REX1BD: variants seen among roughly 807,000 people sequenced by gnomAD.
The protein encoded by REX1BD is required for excision 1-B domain containing.
Under a neutral mutation model 24.4 loss-of-function variants are expected in REX1BD, and 22 were observed. The ratio of observed to expected loss-of-function variants is 0.90; its 90% CI spans 0.64 to 1.29. The LOEUF (loss-of-function observed/expected upper bound fraction) is 1.29, where lower values mean the gene tolerates loss of function less well. REX1BD is among the 50% of genes most tolerant of loss of function. The pLI, the probability that REX1BD is intolerant of heterozygous loss-of-function variation, is 0.00. For missense variants in REX1BD, 293 were observed against 285.3 expected (o/e 1.03, Z -0.19); for synonymous variants, 146 against 125.9 (o/e 1.16, Z -1.07).
chr19:18,592,072 C>A, intron 4 of REX1BD, 36 bp from the exon 5 acceptor site: 1 of 1,613,080 alleles, frequency 6.2e-7, no homozygotes, highest in African/African-American at 1.3e-5. Context: ...TTCACCCCAT[C>A]TGGGTTTTAT....
At chr19:18,590,616 T>G in intron 3 of REX1BD, 1 of 464,732 alleles carries the variant, frequency 2.2e-6, no homozygotes, top group African/African-American at 2.1e-5. Context: ...GACGTCACTG[T>G]TGTTCCCAGG....
rs1239807805 is a variant in REX1BD, at chr19:18,589,461, G to A, written c.231G>A (p.Arg77=). ...TGAGAGCCTGGGGGCGCGGCCTCAG[G>A]GTCCCCACATGCCGCAGAGGCCACC... ...QGLRAWGRGL[R]VPTCRRGHRQ... The change falls in exon 3 of 5, where the codon AGG becomes AGA. Residue 77 remains arginine (R), a synonymous_variant. Coordinates refer to ENST00000358607, the MANE Select transcript of REX1BD (RefSeq NM_001100418.2). The A allele has an allele frequency of 6.4e-7, 1 of 1,557,546 alleles. No individual in the cohort carries two copies. The highest frequency in any genetic ancestry group is 1.4e-5 in the African/African-American group (1 of 73,452).
chr19:18,589,051 C>G lies in REX1BD; in HGVS notation c.156C>G (p.Arg52=). 1 of 1,521,830 alleles carries G rather than the reference C, an allele frequency of 6.6e-7. No homozygotes were observed. The highest frequency in any genetic ancestry group is 8.8e-7 in the Non-Finnish European group (1 of 1,141,354). 94.3% of individuals were successfully genotyped at this position (1,521,830 alleles called of 1,614,324 possible). The change falls in exon 2 of 5, where the codon CGC becomes CGG. Residue 52 remains arginine (R), a synonymous_variant. Transcript: ENST00000358607. ...GCATCCACCAGCTGCAGGCTGAGCG[C>G]GCGCAGGGCTTCCGCCGACTGGAGG... ...VQRIHQLQAE[R]AQGFRRLEEW... is the part of the protein sequence containing the mutation.
At chr19:18,589,142 TC>T in intron 2 of REX1BD, 65 bp downstream of exon 2, 1 of 1,461,644 alleles carries the variant, frequency 6.8e-7, no homozygotes, top group Non-Finnish European at 9.0e-7. Context: ...GGGCGTGTTC[TC>T]GGCGGGCGTG....
At chr19:18,589,872 T>G in intron 3 of REX1BD, 189 bp downstream of exon 3, 2 of 858,310 alleles carry the variant, frequency 2.3e-6, no homozygotes, top group Non-Finnish European at 3.3e-6. Context: ...TCATCCCCAA[T>G]TTTTTTCCCA....
chr19:18,591,932 G>T, intron 4 of REX1BD, 176 bp from the exon 5 acceptor site: 1 of 671,106 alleles, frequency 1.5e-6, no homozygotes, highest in East Asian at 2.7e-5. Context: ...GACCTATGGG[G>T]CCACCCCTTC....
At chr19:18,589,767 C>T (rs1976000125) in intron 3 of REX1BD, 84 bp downstream of exon 3, 22 of 1,424,294 alleles carry the variant, frequency 1.5e-5, no homozygotes, top group Non-Finnish European at 2.0e-5. Context: ...GGGGGTGGTC[C>T]CAGTATCCCA....
At chr19:18,590,651 T>A in intron 3 of REX1BD, 1 of 551,530 alleles carries the variant, frequency 1.8e-6, no homozygotes, top group Non-Finnish European at 3.2e-6. Context: ...CGCTCAGCAC[T>A]GCCTCTGGCC....
Position 18,589,604 on chromosome 19 carries a change from T to A in REX1BD, c.374T>A (p.Leu125Gln), listed in dbSNP as rs935074263. 2 of 1,537,070 alleles carry A rather than the reference T, an allele frequency of 1.3e-6. No individual in the cohort carries two copies. Among genetic ancestry groups the A allele is most frequent in the Non-Finnish European group, 1.7e-6 (2 of 1,148,428 alleles). The change falls in exon 3 of 5, where the codon CTG becomes CAG. Residue 125 changes from leucine to glutamine, a missense_variant. Physicochemically the swap from Leu to Gln is moderately radical, Grantham distance 113. Transcript: ENST00000358607. ...GAGGTGCTGGCGGTGGAAGCAGAGC[T>A]GGGCGGGCCTCGCAGGCAGCCGCTG... ...SREVLAVEAE[L>Q]GGPRRQPLLA...
intron 3 of REX1BD, 119 bp downstream of exon 3, chr19:18,589,802 C>A: frequency 7.5e-7 from 1 of 1,327,244 alleles, no homozygotes; most frequent in Non-Finnish European, 9.8e-7. Context: ...CCCTTCCTGT[C>A]CCACCCCAAT....
chr19:18,589,358 C>T (rs751006425), intron 2 of REX1BD, 55 bp from the exon 3 acceptor site: 3 of 1,550,086 alleles, frequency 1.9e-6, no homozygotes, highest in South Asian at 2.4e-5. Context: ...AGCGTCCTTC[C>T]TACCTACCAG....
chr19:18,592,047 C>G (rs1188390232), intron 4 of REX1BD, 61 bp from the exon 5 acceptor site: 6 of 1,597,226 alleles, frequency 3.8e-6, no homozygotes, highest in South Asian at 1.1e-5. Flanking sequence ...CTTGCAGCTT[C>G]GCGGCAGCAG....
chr19:18,589,756 G>T (rs910732156), intron 3 of REX1BD, 73 bp downstream of exon 3: 45 of 1,426,868 alleles, frequency 3.2e-5, no homozygotes, highest in Non-Finnish European at 3.9e-5. Flanking sequence ...ACCCCTGGTT[G>T]GGGGGTGGTC....
rs1204723963 is a variant in REX1BD at position 18,592,296 on chromosome 19, C to T, written c.*116C>T. 5 of 1,055,212 alleles carry T rather than the reference C, an allele frequency of 4.7e-6. No individual in the cohort carries two copies. Among genetic ancestry groups the T allele is most frequent in the Non-Finnish European group, 7.2e-6 (5 of 697,776 alleles). The allele number at this position is 1,055,212 out of a possible 1,614,324, so 65.4% of individuals were successfully genotyped here. A position where few individuals can be genotyped will look rare whatever the true frequency, so the allele number is the denominator to read the frequency against. On this transcript the variant is annotated 3_prime_UTR_variant, in exon 5 of 5. Transcript: ENST00000358607. ...CCCCACTGCGCTGCTGACCTTCCTG[C>T]AGTTCCAGACACCTCCCACAATAAA...
intron 3 of REX1BD, chr19:18,590,034 G>C (rs917613438): frequency 2.5e-5 from 7 of 281,572 alleles, no homozygotes; most frequent in Non-Finnish European, 4.6e-5. Flanking sequence ...AGATACAGGC[G>C]AGGGGGGTCC....
chr19:18,589,406 C>T lies in REX1BD; in HGVS notation c.183-7C>T, dbSNP rs1483581965. ...GTGTCTGGGGACACTTCCTGGGGGC[C>T]TTTCAGGTGGTTGGCGCCGGTGCAG... On this transcript the variant is annotated splice_polypyrimidine_tract_variant and splice_region_variant and intron_variant, in intron 2 of 4. Coordinates refer to ENST00000358607, the MANE Select transcript of REX1BD (RefSeq NM_001100418.2). 1.2e-5 allele frequency: 19 copies of T among 1,558,218 alleles called. No homozygotes were observed. Among genetic ancestry groups the T allele is most frequent in the Non-Finnish European group, 1.6e-5 (18 of 1,151,436 alleles).
chr19:18,589,269 C>T (rs1448223979), intron 2 of REX1BD, 144 bp from the exon 3 acceptor site: 4 of 1,537,022 alleles, frequency 2.6e-6, no homozygotes, highest in African/African-American at 1.4e-5. Context: ...CACTACCCGA[C>T]GACTCACTCT....
At chr19:18,590,713 C>T (rs1261597487) in intron 3 of REX1BD, 141 bp from the exon 4 acceptor site, 1 of 725,228 alleles carries the variant, frequency 1.4e-6, no homozygotes, top group African/African-American at 1.8e-5. Context: ...TCGGACTCTT[C>T]CTACACAAAG....
chr19:18,589,514 ACGAC>A lies in REX1BD; in HGVS notation c.285_288del (p.Asp96SerfsTer11). ...CAGTACCTGCGCAGCGGCCCTGACT[ACGAC>A]TTCGCGCGCTACCGGAGCACAGTGC... On this transcript the variant is annotated frameshift_variant, in exon 3 of 5. Coordinates refer to ENST00000358607, the MANE Select transcript of REX1BD (RefSeq NM_001100418.2). LOFTEE classifies it high-confidence loss of function. The A allele has an allele frequency of 6.3e-7, 1 of 1,577,948 alleles. No homozygotes were observed. Among genetic ancestry groups the A allele is most frequent in the Non-Finnish European group, 8.6e-7 (1 of 1,167,410 alleles).
Sources: gnomAD v4.1 joint callset for allele counts on GRCh38, gnomAD v4.1.1 for gene constraint, MANE v1.5 for transcripts, NCBI Gene and HGNC (gene_info 2026-07-23, HGNC 2026-07-21) for gene names.